ABLIM2: variants seen among roughly 807,000 people sequenced by gnomAD.
ABLIM2 encodes the protein actin binding LIM protein family member 2, also known as actin-binding LIM protein 2.
A neutral mutation model predicts 97.7 loss-of-function variants in ABLIM2; 53 were observed. That is an observed-to-expected ratio of 0.54 (90% CI 0.44 to 0.68). The LOEUF is 0.68. Among genes scored for constraint, ABLIM2 ranks in the 30% least tolerant of loss-of-function variants. The pLI is 0.00. For missense variants in ABLIM2, 835 were observed against 867.2 expected (o/e 0.96, Z 0.47); for synonymous variants, 361 against 345.8 (o/e 1.04, Z -0.49).
chr4:7,997,270 C>A (rs940994335), intron 16 of ABLIM2, among the ~76,000 whole-genome samples: 1 of 152,188 alleles, frequency 6.6e-6, no homozygotes, highest in Admixed American at 6.5e-5. Context: ...CAGGGTTTCA[C>A]CATGTTGGCC....
At chr4:8,116,253 GC>G (rs1422422477) in intron 1 of ABLIM2, among the ~76,000 whole-genome samples, 1 of 152,200 alleles carries the variant, frequency 6.6e-6, no homozygotes, top group Non-Finnish European at 1.5e-5. Context: ...CACAGTGATG[GC>G]CCCAGACATC....
chr4:8,116,326 C>T (rs1316524970), intron 1 of ABLIM2, among the ~76,000 whole-genome samples: 1 of 152,196 alleles, frequency 6.6e-6, no homozygotes, highest in Non-Finnish European at 1.5e-5. Context: ...CTGTGCATGC[C>T]CCCCAAGGGC....
chr4:8,097,001 T>A (rs923640226), intron 3 of ABLIM2, 98 bp downstream of exon 3: 4 of 1,398,936 alleles, frequency 2.9e-6, no homozygotes. Flanking sequence ...AGAGGGCGGG[T>A]CACGGGAGGG....
At chr4:8,106,662 C>A (rs567801483) in intron 1 of ABLIM2, 25 bp from the exon 2 acceptor site, 1 of 1,583,162 alleles carries the variant, frequency 6.3e-7, no homozygotes, top group Non-Finnish European at 8.6e-7. Context: ...AGAAGAGCAG[C>A]GTTCAAGGGT....
At chr4:8,063,737 A>G (rs1805035294) in intron 6 of ABLIM2, among the ~76,000 whole-genome samples, 1 of 152,214 alleles carries the variant, frequency 6.6e-6, no homozygotes, top group South Asian at 2.1e-4. Flanking sequence ...TAAGGCTTGA[A>G]TGTTTGTCCC....
intron 10 of ABLIM2, among the ~76,000 whole-genome samples, chr4:8,031,967 T>G (rs1230423854): frequency 6.6e-6 from 1 of 152,020 alleles, no homozygotes; most frequent in Non-Finnish European, 1.5e-5. Context: ...CCTCTGGTGA[T>G]CCGCCCACCT....
intron 8 of ABLIM2, among the ~76,000 whole-genome samples, chr4:8,051,918 T>C (rs1244257391): frequency 6.6e-6 from 1 of 152,164 alleles, no homozygotes; most frequent in Admixed American, 6.5e-5. Context: ...CCTATGCAAA[T>C]CAGACACTGC....
intron 20 of ABLIM2, among the ~76,000 whole-genome samples, chr4:7,976,149 A>C (rs1732854035): frequency 6.6e-6 from 1 of 152,108 alleles, no homozygotes. Context: ...CTTTTGTGAA[A>C]TCCACTGTCA....
In ABLIM2 at chr4:8,149,004, C is replaced by T. The variant is rs562044505; in HGVS notation, c.10+9676G>A. Among the ~76,000 whole-genome samples the T allele has an allele frequency of 1.4e-4, 21 of 152,316 alleles. No individual in the cohort carries two copies. Among genetic ancestry groups the T allele is most frequent in the Admixed American group, 7.2e-4 (11 of 15,308 alleles). Reference sequence around the variant, plus strand: ...CCAGACACTACGGAGAGTCAGGCCACGCTGAGATCTGGGGTCCCCAGATAC... The same window carrying T: ...CCAGACACTACGGAGAGTCAGGCCATGCTGAGATCTGGGGTCCCCAGATAC... On this transcript the variant is annotated intron_variant, in intron 1 of 20. Transcript: ENST00000447017. The surrounding 1 kb of genome is among the most constrained non-coding windows in gnomAD (Gnocchi z 6.4).
rs1451089955 is a variant in ABLIM2, at chr4:8,155,714, G to A, written c.10+2966C>T. On this transcript the variant is annotated intron_variant, in intron 1 of 20. Transcript: ENST00000447017. This position sits in a 1 kb window ranked among gnomAD's most constrained non-coding sequence, Gnocchi z 4.2. ...GGGTAGGCTCTAACCAAGTCTGGCTGGGGTTTTCATAAGAACAGATTAGGA... is the reference window on the plus strand; with the variant it reads ...GGGTAGGCTCTAACCAAGTCTGGCTAGGGTTTTCATAAGAACAGATTAGGA... Among the ~76,000 whole-genome samples, 5 of 152,130 alleles carry A rather than the reference G, an allele frequency of 3.3e-5. No homozygotes were observed. The highest frequency in any genetic ancestry group is 3.3e-4 in the Admixed American group (5 of 15,268).
At position 8,058,785 on chromosome 4, in the gene ABLIM2, C is replaced by T. The variant is rs10008509; in HGVS notation, c.763+2182G>A. Among the ~76,000 whole-genome samples the T allele has an allele frequency of 0.015, 2,330 of 152,230 alleles. 61 individuals carry two copies. Among genetic ancestry groups the T allele is most frequent in the African/African-American group, 0.053 (2,213 of 41,526 alleles). On this transcript the variant is annotated intron_variant, in intron 7 of 20. Coordinates refer to ENST00000447017, the MANE Select transcript of ABLIM2 (RefSeq NM_001130083.2). This position sits in a 1 kb window ranked among gnomAD's most constrained non-coding sequence, Gnocchi z 4.2. ...TTAGGCCTGCCTGGCTCAGTTTCAG[C>T]GAGAATACTGCAAAATCAGTCTGGC...
At chr4:8,047,292 C>A (rs1163811210) in intron 8 of ABLIM2, among the ~76,000 whole-genome samples, 2 of 152,170 alleles carry the variant, frequency 1.3e-5, no homozygotes, top group Admixed American at 6.5e-5. Context: ...TCCACCGGCC[C>A]AGGTCCTCTC....
At chr4:8,006,764 C>T (rs13111393) in intron 16 of ABLIM2, among the ~76,000 whole-genome samples, 54,651 of 152,080 alleles carry the variant, frequency 0.36, 9,823 homozygotes, top group East Asian at 0.39. Flanking sequence ...GGCAGGCGCG[C>T]GTGGACCAGC....
rs184526581 is a variant in ABLIM2 at position 7,984,586 on chromosome 4, A to C, written c.1735+253T>G. ...TTTCCCAAGTGACACAGAGTGCCAT[A>C]CAATGCAGGACAGGGCCGCCGTGGC... is the stretch of plus-strand genomic sequence containing the variant. On this transcript the variant is annotated intron_variant, in intron 18 of 20. Coordinates refer to ENST00000447017, the MANE Select transcript of ABLIM2 (RefSeq NM_001130083.2). 2.7e-3 allele frequency among the ~76,000 whole-genome samples: 407 copies of C among 152,368 alleles called. 1 individual carries two copies. Among genetic ancestry groups the C allele is most frequent in the Non-Finnish European group, 4.5e-3 (305 of 68,028 alleles).
intron 8 of ABLIM2, among the ~76,000 whole-genome samples, chr4:8,049,204 C>A (rs969631505): frequency 2.0e-5 from 3 of 152,250 alleles, no homozygotes; most frequent in Non-Finnish European, 4.4e-5. Flanking sequence ...TTATTCACCT[C>A]TATGTTCACA....
At chr4:8,048,938 C>T (rs927037658) in intron 8 of ABLIM2, among the ~76,000 whole-genome samples, 1 of 152,140 alleles carries the variant, frequency 6.6e-6, no homozygotes, top group African/African-American at 2.4e-5. Flanking sequence ...AGGGCCACCC[C>T]CTTCTCACCC....
rs142360227 is a variant in ABLIM2, at chr4:8,130,746, G to A, written c.11-24109C>T. 2.2e-3 allele frequency among the ~76,000 whole-genome samples: 333 copies of A among 152,270 alleles called. 2 individuals carry two copies. The highest frequency in any genetic ancestry group is 7.5e-3 in the African/African-American group (312 of 41,558). Reference sequence around the variant, plus strand: ...AGCCAGGCCCAGGGAGGGGAGAGACGGTCTGGGCAGAGAGCAGTACAACAA... The same window carrying A: ...AGCCAGGCCCAGGGAGGGGAGAGACAGTCTGGGCAGAGAGCAGTACAACAA... On this transcript the variant is annotated intron_variant, in intron 1 of 20. Coordinates refer to ENST00000447017, the MANE Select transcript of ABLIM2 (RefSeq NM_001130083.2). This position sits in a 1 kb window ranked among gnomAD's most constrained non-coding sequence, Gnocchi z 4.2.
intron 3 of ABLIM2, among the ~76,000 whole-genome samples, chr4:8,090,771 C>T (rs1381193027): frequency 1.5e-5 from 2 of 137,700 alleles, no homozygotes; most frequent in Non-Finnish European, 3.2e-5. Context: ...TTGTCAGCCT[C>T]GCGTTTTTCA....
rs780361017 is a variant in ABLIM2, at chr4:8,001,510, C to T, written c.1618+6549G>A. Among the ~76,000 whole-genome samples, 1 of 152,146 alleles carries T rather than the reference C, an allele frequency of 6.6e-6. No individual in the cohort carries two copies. Among genetic ancestry groups the T allele is most frequent in the Non-Finnish European group, 1.5e-5 (1 of 67,998 alleles). ...TCCTCGGGGTGGTGTATACCTCCAG[C>T]CACAGCATCTTCTCCTGGGCTGGGG... On this transcript the variant is annotated intron_variant, in intron 16 of 20. Transcript: ENST00000447017. The surrounding 1 kb of genome is among the most constrained non-coding windows in gnomAD (Gnocchi z 4.2).
Sources: allele counts gnomAD v4.1 joint callset (sites outside exome capture counted in the v4.1 genomes callset), GRCh38; gene constraint gnomAD v4.1.1; non-coding constraint Gnocchi (gnomAD v3.1); transcripts MANE v1.5; gene names NCBI Gene and HGNC (gene_info 2026-07-23, HGNC 2026-07-21).